ABHD2: variants seen among roughly 807,000 people sequenced by gnomAD.
ABHD2 encodes the protein monoacylglycerol lipase ABHD2.
ABHD2 carries 20 observed loss-of-function variants against 48.1 expected under a neutral mutation model. The ratio of observed to expected loss-of-function variants is 0.42; its 90% CI spans 0.29 to 0.60. The LOEUF (loss-of-function observed/expected upper bound fraction) is 0.60, where lower values mean the gene tolerates loss of function less well. Among genes scored for constraint, ABHD2 ranks in the 20% least tolerant of loss-of-function variants. ABHD2 has a pLI of 0.24. For missense variants in ABHD2, 405 were observed against 550.9 expected, an observed-to-expected ratio of 0.74 and a Z score of 2.65; for synonymous variants, 209 against 214.2, an observed-to-expected ratio of 0.98 and a Z score of 0.21.
the ABHD2 span, among the ~76,000 whole-genome samples, chr15:89,069,871 G>T: frequency 6.6e-6 from 1 of 151,410 alleles, no homozygotes. Context: ...GTAGAGACAG[G>T]GTTTCACCAT....
chr15:89,191,270 CT>C, intron 9 of ABHD2, 121 bp downstream of exon 9: 2 of 936,608 alleles, frequency 2.1e-6, no homozygotes, highest in Non-Finnish European at 3.2e-6. Flanking sequence ...TCCAACCGCT[CT>C]TTTAGCTTGG....
rs981667465 is a variant in ABHD2, at chr15:89,117,189, C to A, written c.194+668C>A. On this transcript the variant is annotated intron_variant, in intron 3 of 10. Coordinates refer to ENST00000352732, the MANE Select transcript of ABHD2 (RefSeq NM_152924.5). ...TACAGGTGTGCTCCACCATGCCCGGCTAATTTTTGTATTTTTAGTAGAGAC... is the reference window on the plus strand; with the variant it reads ...TACAGGTGTGCTCCACCATGCCCGGATAATTTTTGTATTTTTAGTAGAGAC... Among the ~76,000 whole-genome samples, 5 of 152,160 alleles carry A rather than the reference C, an allele frequency of 3.3e-5. No individual in the cohort carries two copies. In the East Asian group the frequency reaches 9.7e-4, roughly 29 times the overall value.
rs528581326 is a variant in ABHD2, at chr15:89,194,392, A to T, written c.1082-835A>T. ...TACATGCTACTGGAGAGGCTGAGGC[A>T]TGAGAATCGCTTGAACCCGAGAGTG... is the stretch of plus-strand genomic sequence containing the variant. On this transcript the variant is annotated intron_variant, in intron 10 of 10. Transcript: ENST00000352732. Among the ~76,000 whole-genome samples the T allele has an allele frequency of 1.6e-4, 24 of 152,254 alleles. 1 individual carries two copies. In the South Asian group the frequency reaches 4.6e-3, roughly 29 times the overall value.
the ABHD2 span, among the ~76,000 whole-genome samples, chr15:89,058,883 C>G: frequency 6.6e-6 from 1 of 151,416 alleles, no homozygotes; most frequent in South Asian, 2.1e-4. Flanking sequence ...CAGAAGCCAT[C>G]CTTTCAAGGG....
intron 3 of ABHD2, among the ~76,000 whole-genome samples, chr15:89,140,673 C>A (rs147594037): frequency 3.9e-5 from 6 of 152,134 alleles, no homozygotes; most frequent in Non-Finnish European, 7.4e-5. Context: ...ACAGGCCCCC[C>A]CTGTGTGTGA....
Position 89,151,632 on chromosome 15 carries a change from C to T in ABHD2, c.195-45C>T. On this transcript the variant is annotated intron_variant, in intron 3 of 10. Coordinates refer to ENST00000352732, the MANE Select transcript of ABHD2 (RefSeq NM_152924.5). This position sits in a 1 kb window ranked among gnomAD's most constrained non-coding sequence, Gnocchi z 4.7. ...TGCTAAAAGATTTTTCAGAACGTTG[C>T]TCAAGGAATGTAGAGAAAATTGACC... 6.4e-7 allele frequency: 1 copy of T among 1,561,678 alleles called. No individual in the cohort carries two copies.
rs1030986536 is a variant in ABHD2, at chr15:89,189,885, C to A, written c.927-1195C>A. Among the ~76,000 whole-genome samples the A allele has an allele frequency of 1.6e-4, 25 of 152,054 alleles. No homozygotes were observed. The highest frequency in any genetic ancestry group is 1.6e-4 in the Non-Finnish European group (11 of 68,012). On this transcript the variant is annotated intron_variant, in intron 8 of 10. Coordinates refer to ENST00000352732, the MANE Select transcript of ABHD2 (RefSeq NM_152924.5). This position sits in a 1 kb window ranked among gnomAD's most constrained non-coding sequence, Gnocchi z 4.9. ...CTCTAAAGTCTTTCCTCTTTAATAG[C>A]GTTGGAAAATAGCAGTTTTATGATC...
the ABHD2 span, among the ~76,000 whole-genome samples, chr15:89,080,317 G>A: frequency 3.2e-3 from 484 of 152,328 alleles, 1 homozygote; most frequent in African/African-American, 0.011. Context: ...AGAACACAAT[G>A]TGGGAAAGTT....
Position 89,151,021 on chromosome 15 carries a change from T to C in ABHD2, c.195-656T>C, listed in dbSNP as rs1249100782. 6.6e-6 allele frequency among the ~76,000 whole-genome samples: 1 copy of C among 152,280 alleles called. No individual in the cohort carries two copies. Among genetic ancestry groups the C allele is most frequent in the Non-Finnish European group, 1.5e-5 (1 of 68,048 alleles). ...ACTCTGTGTTTTTACAATGCACCGTTGTTAGCGAGGCTTCATGCCTTGCGT... is the reference window on the plus strand; with the variant it reads ...ACTCTGTGTTTTTACAATGCACCGTCGTTAGCGAGGCTTCATGCCTTGCGT... On this transcript the variant is annotated intron_variant, in intron 3 of 10. Transcript: ENST00000352732. This position sits in a 1 kb window ranked among gnomAD's most constrained non-coding sequence, Gnocchi z 4.7.
In ABHD2 at chr15:89,088,931, A is replaced by T. The variant is rs1901477482; in HGVS notation, c.-107+368A>T. 6.6e-6 allele frequency among the ~76,000 whole-genome samples: 1 copy of T among 152,100 alleles called. No homozygotes were observed. The highest frequency in any genetic ancestry group is 2.1e-4 in the South Asian group (1 of 4,828). ...TCGGCGAAGAAGGTCCGGGATCCGC[A>T]CCTGGAAGGAGAGGGCCGAGGGGCC... On this transcript the variant is annotated intron_variant, in intron 1 of 10. Transcript: ENST00000352732. The surrounding 1 kb of genome is among the most constrained non-coding windows in gnomAD (Gnocchi z 6.8).
At chr15:89,187,980 CT>C (rs1213148467) in intron 7 of ABHD2, among the ~76,000 whole-genome samples, 1 of 152,216 alleles carries the variant, frequency 6.6e-6, no homozygotes, top group Non-Finnish European at 1.5e-5. Flanking sequence ...CAAACCCAAT[CT>C]TTAGTTTGTC....
chr15:89,090,081 C>A (rs1015297643), intron 1 of ABHD2, among the ~76,000 whole-genome samples: 1 of 152,108 alleles, frequency 6.6e-6, no homozygotes, highest in Non-Finnish European at 1.5e-5. Context: ...TAGATCTAGC[C>A]AGTGCATGAC....
In ABHD2 at chr15:89,179,573, T is replaced by C. The variant is rs1198039666; in HGVS notation, c.722+3578T>C. 6.6e-6 allele frequency among the ~76,000 whole-genome samples: 1 copy of C among 152,172 alleles called. No individual in the cohort carries two copies. The highest frequency in any genetic ancestry group is 1.5e-5 in the Non-Finnish European group (1 of 68,026). ...CAGGGATCTCACTGATTCTATGTTA[T>C]GGTGAGTTGTAGAATTATTTCATTC... is the stretch of plus-strand genomic sequence containing the variant. On this transcript the variant is annotated intron_variant, in intron 6 of 10. Transcript: ENST00000352732. The surrounding 1 kb of genome is among the most constrained non-coding windows in gnomAD (Gnocchi z 4.3).
chr15:89,062,721 C>T, the ABHD2 span, among the ~76,000 whole-genome samples: 1 of 151,894 alleles, frequency 6.6e-6, no homozygotes, highest in Non-Finnish European at 1.5e-5. Context: ...TTTAGGAAGG[C>T]CAGGGGTTGG....
chr15:89,067,086 C>G, the ABHD2 span, among the ~76,000 whole-genome samples: 1 of 152,150 alleles, frequency 6.6e-6, no homozygotes, highest in Non-Finnish European at 1.5e-5. Flanking sequence ...AGACCCAACA[C>G]CAGGCCATGG....
At chr15:89,064,799 A>G in the ABHD2 span, among the ~76,000 whole-genome samples, 1 of 152,166 alleles carries the variant, frequency 6.6e-6, no homozygotes, top group African/African-American at 2.4e-5. Flanking sequence ...ATTGAGAAAC[A>G]TATCACACAG....
chr15:89,176,144 C>T lies in ABHD2; in HGVS notation c.722+149C>T, dbSNP rs1005398. On this transcript the variant is annotated intron_variant, in intron 6 of 10. Transcript: ENST00000352732. The surrounding 1 kb of genome is among the most constrained non-coding windows in gnomAD (Gnocchi z 4.5). ...GAGTCTTGGACTCACCTTGTTTTGT[C>T]TGCATATCATACATTGGAGATGCCC... 433,785 of 832,294 alleles carry T rather than the reference C, an allele frequency of 0.52. 119,252 individuals carry two copies. The highest frequency in any genetic ancestry group is 0.82 in the East Asian group (27,573 of 33,728). The allele number at this position is 832,294 out of a possible 1,614,324, so 51.6% of individuals were successfully genotyped here.
At chr15:89,064,961 G>C in the ABHD2 span, among the ~76,000 whole-genome samples, 1 of 151,910 alleles carries the variant, frequency 6.6e-6, no homozygotes, top group African/African-American at 2.4e-5. Flanking sequence ...CCCCCGAGAG[G>C]GATCACTATT....
In ABHD2 at chr15:89,116,403, C is replaced by T; in HGVS notation, c.76C>T (p.Leu26=). ...GAAGCTGGCTGCAGTGGCTGCTGTGCTGTACGTGATCGTCCGGTGTTTGAA... is the reference window on the plus strand; with the variant it reads ...GAAGCTGGCTGCAGTGGCTGCTGTGTTGTACGTGATCGTCCGGTGTTTGAA... ...GVKLAAVAAV[L]YVIVRCLNLK... is the part of the protein sequence containing the mutation. The change falls in exon 3 of 11, where the codon CTG becomes TTG. Residue 26 remains leucine (L), a synonymous_variant. Transcript: ENST00000352732. This position sits in a 1 kb window ranked among gnomAD's most constrained non-coding sequence, Gnocchi z 4.6. 6.2e-7 allele frequency: 1 copy of T among 1,614,228 alleles called. No individual in the cohort carries two copies. The highest frequency in any genetic ancestry group is 1.3e-5 in the African/African-American group (1 of 75,054).
Sources: gnomAD v4.1 joint callset for allele counts (sites outside exome capture counted in the v4.1 genomes callset) on GRCh38, gnomAD v4.1.1 for gene constraint, Gnocchi (gnomAD v3.1) non-coding constraint, MANE v1.5 for transcripts, NCBI Gene and HGNC (gene_info 2026-07-23, HGNC 2026-07-21) for gene names.